The following TGFBR3 variants were observed in gnomAD, a reference collection of about 807,000 sequenced individuals.
TGFBR3 encodes the protein transforming growth factor beta receptor 3.
A neutral mutation model predicts 87.9 loss-of-function variants in TGFBR3; 46 were observed. The observed-to-expected ratio is 0.52, with a 90% CI of 0.41 to 0.67. The LOEUF (loss-of-function observed/expected upper bound fraction) is 0.67, where lower values mean the gene tolerates loss of function less well. TGFBR3 is among the 30% of genes least tolerant of loss of function. The probability of loss-of-function intolerance (pLI) is 0.00; values close to 1 mark genes in which losing one functional copy is unlikely to be tolerated. For missense variants in TGFBR3, 866 were observed against 1,041.9 expected (o/e 0.83, Z 2.32); for synonymous variants, 381 against 391.6 (o/e 0.97, Z 0.32).
intron 4 of TGFBR3, among the ~76,000 whole-genome samples, chr1:91,750,235 C>T (rs746471344): frequency 9.9e-5 from 15 of 152,200 alleles, no homozygotes; most frequent in Non-Finnish European, 1.3e-4. Context: ...CCAGGGGCCA[C>T]GGGCCATTCA....
rs964104013 is a variant in TGFBR3, at chr1:91,886,007, C to A, written c.-243G>T. On this transcript the variant is annotated 5_prime_UTR_variant, in exon 1 of 17. Coordinates refer to ENST00000212355, the MANE Select transcript of TGFBR3 (RefSeq NM_003243.5). ...CTGCGCCGCGGCAAAACTACGCCATCCGGACCCGCTGGGGACTCTCACCTC... is the reference window on the plus strand; with the variant it reads ...CTGCGCCGCGGCAAAACTACGCCATACGGACCCGCTGGGGACTCTCACCTC... The A allele has an allele frequency of 2.2e-6, 1 of 453,612 alleles. No individual in the cohort carries two copies. 28.1% of individuals were successfully genotyped at this position (453,612 alleles called of 1,614,324 possible).
intron 10 of TGFBR3, among the ~76,000 whole-genome samples, chr1:91,718,081 A>C (rs1672239356): frequency 6.6e-6 from 1 of 152,192 alleles, no homozygotes; most frequent in Non-Finnish European, 1.5e-5. Flanking sequence ...TTGAGTAACA[A>C]AAGGAGATTA....
intron 2 of TGFBR3, among the ~76,000 whole-genome samples, chr1:91,806,545 T>C (rs566176477): frequency 3.3e-5 from 5 of 152,224 alleles, no homozygotes; most frequent in South Asian, 4.2e-4. Flanking sequence ...TCCTCAAGCA[T>C]TCTAAATACC....
At chr1:91,898,522 C>T (rs1380981242) in intron 2 of TGFBR3, among the ~76,000 whole-genome samples, 1 of 152,004 alleles carries the variant, frequency 6.6e-6, no homozygotes, top group African/African-American at 2.4e-5. Flanking sequence ...CTGCAAGCTC[C>T]GCCTCCCGGG....
At chr1:91,789,592 G>T (rs1340037990) in intron 3 of TGFBR3, among the ~76,000 whole-genome samples, 1 of 152,162 alleles carries the variant, frequency 6.6e-6, no homozygotes, top group Non-Finnish European at 1.5e-5. Context: ...TTGTGTCCTG[G>T]TTTGTTTCCT....
At chr1:91,853,610 T>C (rs1677824915) in intron 2 of TGFBR3, among the ~76,000 whole-genome samples, 1 of 152,170 alleles carries the variant, frequency 6.6e-6, no homozygotes, top group African/African-American at 2.4e-5. Flanking sequence ...GGAAATCCTG[T>C]CATTTGCAAC....
upstream of TGFBR3, among the ~76,000 whole-genome samples, chr1:91,887,271 A>C (rs886679989): frequency 5.3e-4 from 2 of 3,798 alleles, no homozygotes; most frequent in Non-Finnish European, 3.2e-3. Context: ...TTTGAGATGG[A>C]GTCTCGCCCT....
intron 2 of TGFBR3, among the ~76,000 whole-genome samples, chr1:91,809,709 C>A (rs1365263845): frequency 6.6e-6 from 1 of 152,208 alleles, no homozygotes; most frequent in Non-Finnish European, 1.5e-5. Context: ...ATGCTTAACA[C>A]TGAATGCCAA....
chr1:91,799,284 C>T (rs1247375957), intron 2 of TGFBR3, among the ~76,000 whole-genome samples: 1 of 152,208 alleles, frequency 6.6e-6, no homozygotes, highest in Non-Finnish European at 1.5e-5. Flanking sequence ...CTCAAATAGT[C>T]ACTGCCACTC....
intron 2 of TGFBR3, among the ~76,000 whole-genome samples, chr1:91,806,507 A>C (rs2101028731): frequency 6.6e-6 from 1 of 152,290 alleles, no homozygotes; most frequent in East Asian, 1.9e-4. Context: ...AAGACATAGT[A>C]AGTAATTTTC....
Position 91,719,949 on chromosome 1 carries a change from A to T in TGFBR3, c.1357T>A (p.Ser453Thr). Residue 453 changes from serine to threonine, a missense_variant, in exon 9 of 17, where the codon TCT becomes ACT. By Grantham distance (58) the Ser-to-Thr change is moderately conservative. Transcript: ENST00000212355. ...ATCTTCTCATTGTCACATTTGACAG[A>T]CAGGGCAATATCCACGCTCCCTTGC... ...EVQGSVDIAL[S>T]VKCDNEKMIV... is the part of the protein sequence containing the mutation. 1 of 1,614,206 alleles carries T rather than the reference A, an allele frequency of 6.2e-7. No homozygotes were observed. Among genetic ancestry groups the T allele is most frequent in the Non-Finnish European group, 8.5e-7 (1 of 1,180,036 alleles).
chr1:91,827,851 C>G (rs1676700641), intron 2 of TGFBR3, among the ~76,000 whole-genome samples: 1 of 152,184 alleles, frequency 6.6e-6, no homozygotes. Context: ...TGCAGTCACT[C>G]ACTACTCAGT....
At chr1:91,884,834 G>C (rs1230331441) in intron 1 of TGFBR3, among the ~76,000 whole-genome samples, 1 of 152,250 alleles carries the variant, frequency 6.6e-6, no homozygotes, top group Non-Finnish European at 1.5e-5. Flanking sequence ...AAACGGTCTT[G>C]ACGTGTGTTT....
In TGFBR3 at chr1:91,793,437, G is replaced by A. The variant is rs542895873; in HGVS notation, c.246+3850C>T. On this transcript the variant is annotated intron_variant, in intron 3 of 16. Transcript: ENST00000212355. The stretch of plus-strand genomic sequence containing the variant: ...TTCAGTCATAGTCAATTACAGCTTG[G>A]AGCCAGCACGGTAATTGTTTTGCTA... Among the ~76,000 whole-genome samples, 583 of 152,240 alleles carry A rather than the reference G, an allele frequency of 3.8e-3. 3 individuals are homozygous for A. The highest frequency in any genetic ancestry group is 0.023 in the South Asian group (110 of 4,820).
chr1:91,800,486 G>T (rs1193994518), intron 2 of TGFBR3, among the ~76,000 whole-genome samples: 3 of 150,736 alleles, frequency 2.0e-5, no homozygotes, highest in Non-Finnish European at 4.4e-5. Context: ...CTCCAGCCTG[G>T]GTGACAGAGT....
At chr1:91,849,571 C>A (rs924747759) in intron 2 of TGFBR3, among the ~76,000 whole-genome samples, 13 of 152,216 alleles carry the variant, frequency 8.5e-5, no homozygotes, top group Admixed American at 6.5e-4. Flanking sequence ...CAATCCCCAA[C>A]CTCTTTGCTT....
intron 1 of TGFBR3, among the ~76,000 whole-genome samples, chr1:91,879,097 T>A (rs187286777): frequency 6.6e-6 from 1 of 151,828 alleles, no homozygotes; most frequent in African/African-American, 2.4e-5. Flanking sequence ...GGCAAAACCC[T>A]GTCTCTACTA....
intron 4 of TGFBR3, among the ~76,000 whole-genome samples, chr1:91,755,968 G>A (rs1345369114): frequency 1.1e-4 from 16 of 152,150 alleles, no homozygotes; most frequent in Admixed American, 1.0e-3. Flanking sequence ...AGCAGCAACA[G>A]CAGGTGATGT....
intron 2 of TGFBR3, among the ~76,000 whole-genome samples, chr1:91,835,858 A>G (rs1039647130): frequency 3.3e-5 from 5 of 150,396 alleles, no homozygotes; most frequent in Non-Finnish European, 7.4e-5. Context: ...AAAAAAAGCC[A>G]ACATACCACT....
Sources: allele counts gnomAD v4.1 joint callset (sites outside exome capture counted in the v4.1 genomes callset), GRCh38; gene constraint gnomAD v4.1.1; transcripts MANE v1.5; gene names NCBI Gene and HGNC (gene_info 2026-07-23, HGNC 2026-07-21).